NPAS3: variants seen among roughly 807,000 people sequenced by gnomAD.
The protein encoded by NPAS3 is neuronal PAS domain-containing protein 3.
Under a neutral mutation model 73.1 loss-of-function variants are expected in NPAS3, and 14 were observed. That is an observed-to-expected ratio of 0.19 (90% CI 0.13 to 0.30). The LOEUF (loss-of-function observed/expected upper bound fraction) is 0.30, where lower values mean the gene tolerates loss of function less well. NPAS3 is among the 10% of genes least tolerant of loss of function. NPAS3 has a pLI of 1.00. For missense variants in NPAS3, 1,096 were observed against 1,250.0 expected, an observed-to-expected ratio of 0.88 and a Z score of 1.86; for synonymous variants, 620 against 541.5, an observed-to-expected ratio of 1.14 and a Z score of -2.01.
At chr14:33,245,912 T>C (rs2048357457) in intron 3 of NPAS3, among the ~76,000 whole-genome samples, 1 of 113,610 alleles carries the variant, frequency 8.8e-6, no homozygotes, top group Non-Finnish European at 1.8e-5. Context: ...TAATTTTTTG[T>C]TAGCAATAGG....
intron 4 of NPAS3, among the ~76,000 whole-genome samples, chr14:33,538,719 C>T (rs1233049015): frequency 6.6e-6 from 1 of 152,180 alleles, no homozygotes; most frequent in Non-Finnish European, 1.5e-5. Flanking sequence ...TTTGAATTTA[C>T]TTACATAAAG....
intron 7 of NPAS3, among the ~76,000 whole-genome samples, chr14:33,743,710 G>A (rs1308798546): frequency 1.3e-5 from 2 of 152,204 alleles, no homozygotes; most frequent in Non-Finnish European, 2.9e-5. Context: ...TCCAACAGAA[G>A]GCTGTTTTGT....
At chr14:33,039,640 A>G (rs944604368) in intron 1 of NPAS3, among the ~76,000 whole-genome samples, 6 of 152,246 alleles carry the variant, frequency 3.9e-5, no homozygotes, top group African/African-American at 9.6e-5. Context: ...TGGGTCTGCC[A>G]CAGCTCACAA....
intron 3 of NPAS3, among the ~76,000 whole-genome samples, chr14:33,312,084 T>C (rs1225845354): frequency 1.3e-5 from 2 of 152,108 alleles, no homozygotes; most frequent in Non-Finnish European, 2.9e-5. Flanking sequence ...CATACAGTAG[T>C]CAGAGCTCTG....
At chr14:33,784,026 TC>T (rs1373713729) in intron 9 of NPAS3, among the ~76,000 whole-genome samples, 1 of 152,170 alleles carries the variant, frequency 6.6e-6, no homozygotes, top group Non-Finnish European at 1.5e-5. Context: ...CGATCAGTAT[TC>T]CAATGAAACA....
chr14:33,675,286 G>A (rs1328827956), intron 5 of NPAS3, among the ~76,000 whole-genome samples: 3 of 152,184 alleles, frequency 2.0e-5, no homozygotes, highest in Non-Finnish European at 2.9e-5. Context: ...CATTAGAGGA[G>A]TACAGAGGTA....
intron 2 of NPAS3, among the ~76,000 whole-genome samples, chr14:33,143,123 T>A (rs1404907308): frequency 1.3e-5 from 2 of 150,980 alleles, no homozygotes; most frequent in South Asian, 4.2e-4. Context: ...AAGAAAGAAA[T>A]ACCTCTTAAA....
At position 33,211,989 on chromosome 14, in the gene NPAS3, A is replaced by G. The variant is rs187262582; in HGVS notation, c.141-3193A>G. Among the ~76,000 whole-genome samples the G allele has an allele frequency of 7.2e-4, 110 of 152,314 alleles. 1 individual carries two copies. The highest frequency in any genetic ancestry group is 2.3e-3 in the African/African-American group (95 of 41,580). ...CATTTTACTCATGTACAACTAATCT[A>G]TTCTATCTTTAGTACTCTAGACATA... On this transcript the variant is annotated intron_variant, in intron 2 of 11. Coordinates refer to ENST00000356141, the Ensembl canonical transcript of NPAS3.
At chr14:33,119,568 G>A (rs79357304) in intron 2 of NPAS3, among the ~76,000 whole-genome samples, 7 of 152,202 alleles carry the variant, frequency 4.6e-5, no homozygotes, top group Non-Finnish European at 1.0e-4. Context: ...TGTCTCCTTT[G>A]TGTGAAGCAG....
At chr14:33,406,708 C>T (rs2047683615) in intron 4 of NPAS3, among the ~76,000 whole-genome samples, 1 of 152,142 alleles carries the variant, frequency 6.6e-6, no homozygotes, top group Non-Finnish European at 1.5e-5. Flanking sequence ...TCACAGAATG[C>T]TGTTCCTGAT....
chr14:33,340,475 A>C (rs112221459), intron 3 of NPAS3, among the ~76,000 whole-genome samples: 3,275 of 152,334 alleles, frequency 0.021, 133 homozygotes, highest in African/African-American at 0.075. Context: ...AGCCTGGGTG[A>C]CAGAGGGAGA....
intron 5 of NPAS3, among the ~76,000 whole-genome samples, chr14:33,630,318 G>C (rs1246731621): frequency 6.6e-6 from 1 of 152,180 alleles, no homozygotes; most frequent in Non-Finnish European, 1.5e-5. Flanking sequence ...AAGAGAATTT[G>C]AGTTACTGAA....
intron 4 of NPAS3, among the ~76,000 whole-genome samples, chr14:33,407,777 G>A (rs1162617985): frequency 6.6e-6 from 1 of 152,014 alleles, no homozygotes; most frequent in African/African-American, 2.4e-5. Flanking sequence ...ATCCTCAAGG[G>A]TGGTCTTTCT....
At chr14:33,773,719 T>C (rs560983023) in intron 7 of NPAS3, among the ~76,000 whole-genome samples, 1 of 152,208 alleles carries the variant, frequency 6.6e-6, no homozygotes, top group Admixed American at 6.5e-5. Context: ...CAGGGACAAA[T>C]CATGGGCCAA....
chr14:33,268,319 C>G (rs2040909531), intron 3 of NPAS3, among the ~76,000 whole-genome samples: 1 of 152,084 alleles, frequency 6.6e-6, no homozygotes, highest in South Asian at 2.1e-4. Context: ...TTTTTGACTC[C>G]TTCCTGTATA....
chr14:33,214,993 G>A (rs2047167497), intron 2 of NPAS3, 189 bp from the exon 3 acceptor site: 2 of 607,220 alleles, frequency 3.3e-6, no homozygotes, highest in African/African-American at 1.9e-5. Context: ...TTTACAAAAT[G>A]TAAGGCCAGA....
chr14:33,148,231 A>G (rs1004850452), intron 2 of NPAS3, among the ~76,000 whole-genome samples: 1 of 152,166 alleles, frequency 6.6e-6, no homozygotes, highest in Non-Finnish European at 1.5e-5. Flanking sequence ...AATTTTACAT[A>G]CTGATTTTGG....
chr14:33,737,038 A>T (rs2061540288), intron 7 of NPAS3, among the ~76,000 whole-genome samples: 1 of 152,214 alleles, frequency 6.6e-6, no homozygotes, highest in Non-Finnish European at 1.5e-5. Flanking sequence ...ACAGACAAAG[A>T]AACTAAGGAT....
At chr14:33,191,065 T>A (rs2139506520) in intron 2 of NPAS3, among the ~76,000 whole-genome samples, 1 of 152,296 alleles carries the variant, frequency 6.6e-6, no homozygotes, top group South Asian at 2.1e-4. Context: ...CAAAATGAAA[T>A]TTAGTCAAAG....
Sources: gnomAD v4.1 joint callset for allele counts (sites outside exome capture counted in the v4.1 genomes callset) on GRCh38, gnomAD v4.1.1 for gene constraint, MANE v1.5 for transcripts, NCBI Gene and HGNC (gene_info 2026-07-23, HGNC 2026-07-21) for gene names.